CWF19L1: variants seen among roughly 807,000 people sequenced by gnomAD.
The protein encoded by CWF19L1 is CWF19-like protein 1.
Under a neutral mutation model 69.7 loss-of-function variants are expected in CWF19L1, and 60 were observed. The ratio of observed to expected loss-of-function variants is 0.86; its 90% CI spans 0.70 to 1.07. The LOEUF (loss-of-function observed/expected upper bound fraction) is 1.07, where lower values mean the gene tolerates loss of function less well. Among genes scored for constraint, CWF19L1 ranks in the 50% least tolerant of loss-of-function variants. The pLI, the probability that CWF19L1 is intolerant of heterozygous loss-of-function variation, is 0.00. For missense variants in CWF19L1, 591 were observed against 638.9 expected (o/e 0.92, Z 0.81); for synonymous variants, 209 against 222.2 (o/e 0.94, Z 0.53).
intron 4 of CWF19L1, among the ~76,000 whole-genome samples, chr10:100,259,200 TAAAAA>T (rs11285407): frequency 7.8e-6 from 1 of 128,452 alleles, no homozygotes. Context: ...GACACTGTCT[TAAAAA>T]AAAAAAAAAA....
chr10:100,235,114 A>G (rs1393161433), intron 13 of CWF19L1, among the ~76,000 whole-genome samples: 1 of 152,240 alleles, frequency 6.6e-6, no homozygotes, highest in East Asian at 1.9e-4. Flanking sequence ...AGTGGCCACA[A>G]GTGGCTAGTC....
chr10:100,245,349 G>C (rs1296185469), intron 9 of CWF19L1, among the ~76,000 whole-genome samples: 5 of 151,758 alleles, frequency 3.3e-5, no homozygotes, highest in African/African-American at 4.8e-5. Context: ...TCCCAATATG[G>C]GTATATAAGC....
chr10:100,263,175 G>A (rs1044107719), intron 1 of CWF19L1, among the ~76,000 whole-genome samples: 1 of 152,120 alleles, frequency 6.6e-6, no homozygotes, highest in Non-Finnish European at 1.5e-5. Context: ...TCAGTTTAAT[G>A]TTCTTTCCTC....
rs79777859 is a variant in CWF19L1, at chr10:100,245,528, A to G, written c.964+271T>C. ...TTATGAGACAGGAAAAGAGGGAGCT[A>G]TCTTGTAAAACTGGCTATTGCTATA... On this transcript the variant is annotated intron_variant, in intron 9 of 13. Transcript: ENST00000354105. Among the ~76,000 whole-genome samples, 1,122 of 152,348 alleles carry G rather than the reference A, an allele frequency of 7.4e-3. 20 individuals are homozygous for G. The highest frequency in any genetic ancestry group is 0.025 in the African/African-American group (1,044 of 41,574).
In CWF19L1 at chr10:100,241,071, C is replaced by A. The variant is rs565986212; in HGVS notation, c.1044+2627G>T. The stretch of plus-strand genomic sequence containing the variant: ...TGTCCCCCAGGCTGGAGTGCAGTGG[C>A]GCGATCTTGGCCTGCAACCTCCACC... On this transcript the variant is annotated intron_variant, in intron 10 of 13. Transcript: ENST00000354105. 2.4e-4 allele frequency among the ~76,000 whole-genome samples: 30 copies of A among 125,230 alleles called. No individual in the cohort carries two copies. The Admixed American group carries it at 2.4e-3, about 10-fold the overall frequency. The allele number at this position is 125,230 out of a possible 152,430, so 82.2% of individuals were successfully genotyped here.
At chr10:100,247,877 T>C (rs980463809) in intron 7 of CWF19L1, among the ~76,000 whole-genome samples, 67 of 151,746 alleles carry the variant, frequency 4.4e-4, no homozygotes, top group African/African-American at 1.5e-3. Flanking sequence ...GCCTGGGCAA[T>C]AGACAGAGAC....
intron 6 of CWF19L1, among the ~76,000 whole-genome samples, chr10:100,251,391 T>C (rs2134302209): frequency 6.6e-6 from 1 of 152,330 alleles, no homozygotes; most frequent in Middle Eastern, 3.4e-3. Context: ...TATTATGTAT[T>C]TGCCTTTTTG....
chr10:100,245,309 C>G (rs1404941834), intron 9 of CWF19L1, among the ~76,000 whole-genome samples: 1 of 152,086 alleles, frequency 6.6e-6, no homozygotes, highest in Non-Finnish European at 1.5e-5. Context: ...CATGAGCCCC[C>G]ACACCTGGCC....
rs3750710 is a variant in CWF19L1, at chr10:100,267,608, T to A, written c.-15A>T. On this transcript the variant is annotated 5_prime_UTR_variant, in exon 1 of 14. Transcript: ENST00000354105. ...TTCTGTGCCATCTGTCCGAATAGTA[T>A]GGGTTGCGACTGCCACCTAAAATTG... The A allele has an allele frequency of 6.2e-7, 1 of 1,614,132 alleles. No homozygotes were observed. Among genetic ancestry groups the A allele is most frequent in the Non-Finnish European group, 8.5e-7 (1 of 1,180,016 alleles).
chr10:100,262,608 G>A (rs1296368959), intron 1 of CWF19L1: 2 of 293,634 alleles, frequency 6.8e-6, no homozygotes, highest in Non-Finnish European at 1.0e-5. Context: ...AAGCCTCAAA[G>A]AGTTTATAAT....
chr10:100,251,660 C>T (rs1012855023), intron 6 of CWF19L1, among the ~76,000 whole-genome samples: 4 of 151,942 alleles, frequency 2.6e-5, no homozygotes, highest in South Asian at 2.1e-4. Context: ...TACAGGCGCC[C>T]GCCACCATGC....
chr10:100,265,839 C>T (rs1847562331), intron 1 of CWF19L1, among the ~76,000 whole-genome samples: 1 of 152,044 alleles, frequency 6.6e-6, no homozygotes, highest in Non-Finnish European at 1.5e-5. Flanking sequence ...TCACTGTACC[C>T]TTTCTATATT....
chr10:100,256,122 C>G, intron 5 of CWF19L1, 140 bp downstream of exon 5: 1 of 644,714 alleles, frequency 1.6e-6, no homozygotes, highest in Non-Finnish European at 2.7e-6. Context: ...CTTTTAGAAT[C>G]CTGAAAATTT....
intron 1 of CWF19L1, among the ~76,000 whole-genome samples, chr10:100,265,001 G>C (rs746003709): frequency 4.6e-5 from 7 of 151,654 alleles, no homozygotes; most frequent in African/African-American, 1.5e-4. Flanking sequence ...TCCGCCTGTA[G>C]TCCCAGCTAC....
At chr10:100,250,448 G>A (rs895999571) in intron 6 of CWF19L1, 116 bp from the exon 7 acceptor site, 7 of 685,450 alleles carry the variant, frequency 1.0e-5, no homozygotes, top group Admixed American at 7.0e-5. Flanking sequence ...GTTCATCATC[G>A]CCAGTCAAAT....
intron 2 of CWF19L1, 118 bp downstream of exon 2, chr10:100,261,861 A>AG (rs1239826299): frequency 1.3e-6 from 1 of 787,234 alleles, no homozygotes; most frequent in African/African-American, 1.8e-5. Context: ...ATGCTCATGA[A>AG]GGGAACTCAA....
At position 100,261,088 on chromosome 10, in the gene CWF19L1, CAA is replaced by C. The variant is rs576971364; in HGVS notation, c.109-46_109-45del. ...ACAGATATATGAGATTTTAAAATAT[CAA>C]ACAGTACATAATTGATAGTAATATT... On this transcript the variant is annotated intron_variant, in intron 2 of 13. Transcript: ENST00000354105. The C allele has an allele frequency of 4.7e-4, 589 of 1,261,604 alleles. 2 individuals carry two copies. In the African/African-American group the frequency reaches 7.9e-3, roughly 17 times the overall value. The allele number at this position is 1,261,604 out of a possible 1,614,324, so 78.2% of individuals were successfully genotyped here.
chr10:100,254,623 T>A (rs1319990122), intron 5 of CWF19L1: 1 of 152,166 alleles, frequency 6.6e-6, no homozygotes, highest in Non-Finnish European at 1.5e-5. Context: ...AGCTTTGAGG[T>A]CAGTCCTAGC....
chr10:100,237,504 A>G (rs559316035), intron 11 of CWF19L1, among the ~76,000 whole-genome samples: 86 of 152,198 alleles, frequency 5.7e-4, no homozygotes, highest in African/African-American at 1.6e-3. Context: ...CTTACTATCT[A>G]TGCTGTTTAC....
Sources: gnomAD v4.1 joint callset for allele counts (sites outside exome capture counted in the v4.1 genomes callset) on GRCh38, gnomAD v4.1.1 for gene constraint, MANE v1.5 for transcripts, NCBI Gene and HGNC (gene_info 2026-07-23, HGNC 2026-07-21) for gene names.